The following GALNT10 variants were observed in gnomAD, a reference collection of about 807,000 sequenced individuals.
GALNT10 encodes the protein polypeptide N-acetylgalactosaminyltransferase 10.
Under a neutral mutation model 75.0 loss-of-function variants are expected in GALNT10, and 41 were observed. The observed-to-expected ratio is 0.55, with a 90% CI of 0.43 to 0.71. The LOEUF (loss-of-function observed/expected upper bound fraction) is 0.71, where lower values mean the gene tolerates loss of function less well. Among genes scored for constraint, GALNT10 ranks in the 30% least tolerant of loss-of-function variants. The pLI is 0.00. For missense variants in GALNT10, 727 were observed against 818.5 expected (o/e 0.89, Z 1.36); for synonymous variants, 302 against 313.0 (o/e 0.96, Z 0.37).
chr5:154,306,394 G>A (rs72808651), intron 3 of GALNT10, among the ~76,000 whole-genome samples: 14,482 of 151,976 alleles, frequency 0.095, 752 homozygotes, highest in African/African-American at 0.14. Flanking sequence ...CTTTCCAAAC[G>A]ATTAGAAAGT....
chr5:154,293,529 C>T (rs1176091093), intron 1 of GALNT10, among the ~76,000 whole-genome samples: 1 of 151,370 alleles, frequency 6.6e-6, no homozygotes, highest in Non-Finnish European at 1.5e-5. Context: ...AGGGTGGGCT[C>T]ACCTCCCCAG....
Position 154,298,988 on chromosome 5 carries a change from T to G in GALNT10, c.401+909T>G, listed in dbSNP as rs930396853. Among the ~76,000 whole-genome samples the G allele has an allele frequency of 2.6e-5, 4 of 152,192 alleles. No individual in the cohort carries two copies. The highest frequency in any genetic ancestry group is 3.8e-4 in the East Asian group (2 of 5,198). The stretch of plus-strand genomic sequence containing the variant: ...ACCACACTTTGAGAATCACTGCAAG[T>G]AGATTTCAGAATTGCTTCTACATGA... On this transcript the variant is annotated intron_variant, in intron 3 of 11. Transcript: ENST00000297107. The surrounding 1 kb of genome is among the most constrained non-coding windows in gnomAD (Gnocchi z 4.1).
rs190351258 is a variant in GALNT10, at chr5:154,419,468, T to G, written c.*2496T>G. On this transcript the variant is annotated 3_prime_UTR_variant, in exon 12 of 12. Coordinates refer to ENST00000297107, the MANE Select transcript of GALNT10 (RefSeq NM_198321.4). ...GTCCCACCCCAAGTGGGCGGCAGTG[T>G]TCCTGGCATGACCAGGATTCCTGTG... The G allele has an allele frequency of 1.6e-4, 25 of 152,368 alleles. No individual in the cohort carries two copies. Among genetic ancestry groups the G allele is most frequent in the Admixed American group, 1.4e-3 (22 of 15,294 alleles). The allele number at this position is 152,368 out of a possible 1,614,324, so 9.4% of individuals were successfully genotyped here.
chr5:154,294,455 T>C (rs1454174729), intron 1 of GALNT10, among the ~76,000 whole-genome samples: 5 of 152,248 alleles, frequency 3.3e-5, no homozygotes. Flanking sequence ...TCACCTACTT[T>C]TTTAAATGTG....
At chr5:154,274,987 C>T (rs1387359088) in intron 1 of GALNT10, among the ~76,000 whole-genome samples, 3 of 152,160 alleles carry the variant, frequency 2.0e-5, no homozygotes, top group Admixed American at 6.5e-5. Flanking sequence ...GAGTTTCCAA[C>T]GTCTGGATTG....
intron 1 of GALNT10, among the ~76,000 whole-genome samples, chr5:154,221,834 CT>C: frequency 6.6e-6 from 1 of 152,360 alleles, no homozygotes; most frequent in South Asian, 2.1e-4. Context: ...ACTCTTTATG[CT>C]GACACCGCGC....
intron 1 of GALNT10, among the ~76,000 whole-genome samples, chr5:154,260,963 A>C (rs1412731600): frequency 6.6e-6 from 1 of 151,794 alleles, no homozygotes; most frequent in Non-Finnish European, 1.5e-5. Context: ...CAGCCTCTGC[A>C]GAAAGTGTAG....
chr5:154,324,427 T>G (rs760733605), intron 3 of GALNT10, among the ~76,000 whole-genome samples: 24 of 152,210 alleles, frequency 1.6e-4, no homozygotes, highest in Non-Finnish European at 2.8e-4. Context: ...CCTGGTAAAA[T>G]GGGCCAGGGG....
intron 1 of GALNT10, among the ~76,000 whole-genome samples, chr5:154,272,428 C>T (rs1417322389): frequency 6.7e-6 from 1 of 149,392 alleles, no homozygotes; most frequent in Non-Finnish European, 1.5e-5. Context: ...TCTTCAGGAG[C>T]CTCAAAAAGG....
intron 1 of GALNT10, among the ~76,000 whole-genome samples, chr5:154,276,091 T>C (rs1486331919): frequency 6.6e-6 from 1 of 152,202 alleles, no homozygotes; most frequent in Non-Finnish European, 1.5e-5. Context: ...AATTTATTAG[T>C]TCAGAGTTTT....
chr5:154,389,471 A>G (rs557271538), intron 7 of GALNT10: 1 of 151,956 alleles, frequency 6.6e-6, no homozygotes, highest in South Asian at 2.1e-4. Context: ...AATTCCAGCT[A>G]CTCAGGAGGT....
At chr5:154,320,126 G>A (rs758099281) in intron 3 of GALNT10, among the ~76,000 whole-genome samples, 3 of 152,100 alleles carry the variant, frequency 2.0e-5, no homozygotes, top group Non-Finnish European at 2.9e-5. Context: ...GGCAAAAGTC[G>A]AATTTAAGTT....
chr5:154,286,483 G>A (rs1405048643), intron 1 of GALNT10, among the ~76,000 whole-genome samples: 2 of 151,712 alleles, frequency 1.3e-5, no homozygotes, highest in Non-Finnish European at 2.9e-5. Flanking sequence ...AGCTACTGAA[G>A]GTTCTATTTG....
At position 154,404,201 on chromosome 5, in the gene GALNT10, G is replaced by T; in HGVS notation, c.1154G>T (p.Ser385Ile). Residue 385 changes from serine (S) to isoleucine (I), a missense_variant, in exon 8 of 12, where the codon AGC becomes ATC. Transcript: ENST00000297107. ...CCCTACAAGGTCCCGGCCGGAGTCA[G>T]CCTGGCCCGGGTAAGGTGGTGGCTT... is the stretch of plus-strand genomic sequence containing the variant. ...YVPYKVPAGV[S>I]LARNLKRVAE... 1 of 1,594,568 alleles carries T rather than the reference G, an allele frequency of 6.3e-7. No individual in the cohort carries two copies. Among genetic ancestry groups the T allele is most frequent in the Middle Eastern group, 1.7e-4 (1 of 5,950 alleles).
intron 4 of GALNT10, among the ~76,000 whole-genome samples, chr5:154,354,984 A>G (rs1755265084): frequency 6.6e-6 from 1 of 152,248 alleles, no homozygotes; most frequent in Non-Finnish European, 1.5e-5. Flanking sequence ...TCATTGCCCC[A>G]GCCAGACTGT....
chr5:154,333,652 G>A (rs1306116022), intron 4 of GALNT10, among the ~76,000 whole-genome samples: 3 of 152,104 alleles, frequency 2.0e-5, no homozygotes, highest in African/African-American at 7.2e-5. Context: ...TCTCCAGAGA[G>A]CAAAAATATT....
intron 1 of GALNT10, among the ~76,000 whole-genome samples, chr5:154,286,707 C>T (rs150859074): frequency 6.6e-6 from 1 of 152,280 alleles, no homozygotes; most frequent in East Asian, 1.9e-4. Context: ...GAGTGACCTT[C>T]CCCTCTTAGA....
intron 4 of GALNT10, among the ~76,000 whole-genome samples, chr5:154,366,843 A>G (rs1223198432): frequency 6.6e-6 from 1 of 152,226 alleles, no homozygotes. Context: ...ATTGTTGTCC[A>G]TTCTCAGAAG....
At chr5:154,359,121 T>G (rs1581991171) in intron 4 of GALNT10, among the ~76,000 whole-genome samples, 3 of 152,212 alleles carry the variant, frequency 2.0e-5, no homozygotes, top group Admixed American at 2.0e-4. Flanking sequence ...GTGCACATTT[T>G]GGAGCGGAGT....
Sources: gnomAD v4.1 joint callset for allele counts (sites outside exome capture counted in the v4.1 genomes callset) on GRCh38, gnomAD v4.1.1 for gene constraint, Gnocchi (gnomAD v3.1) non-coding constraint, MANE v1.5 for transcripts, NCBI Gene and HGNC (gene_info 2026-07-23, HGNC 2026-07-21) for gene names.